PACS1: variants seen among roughly 807,000 people sequenced by gnomAD.
PACS1 encodes phosphofurin acidic cluster sorting protein 1.
Under a neutral mutation model 115.0 loss-of-function variants are expected in PACS1, and 24 were observed. That is an observed-to-expected ratio of 0.21 (90% CI 0.15 to 0.29). The LOEUF (loss-of-function observed/expected upper bound fraction) is 0.29. Among genes scored for constraint, PACS1 ranks in the 10% least tolerant of loss-of-function variants. The pLI, the probability that PACS1 is intolerant of heterozygous loss-of-function variation, is 1.00. For synonymous variants in PACS1, 453 were observed against 504.5 expected (o/e 0.90, Z 1.37); for missense variants, 838 against 1,251.2 (o/e 0.67, Z 4.98).
intron 11 of PACS1, chr11:66,230,273 T>G (rs1455630649): frequency 2.2e-6 from 1 of 456,202 alleles, no homozygotes; most frequent in African/African-American, 2.0e-5. Flanking sequence ...AGACAGCAGA[T>G]CATCAGTCCA....
intron 2 of PACS1, among the ~76,000 whole-genome samples, chr11:66,204,678 T>C (rs529721994): frequency 6.6e-6 from 1 of 152,250 alleles, no homozygotes; most frequent in African/African-American, 2.4e-5. Flanking sequence ...GAGGACATTA[T>C]GTTAAATGAA....
chr11:66,087,798 C>T (rs1857598350), intron 1 of PACS1, among the ~76,000 whole-genome samples: 1 of 152,100 alleles, frequency 6.6e-6, no homozygotes, highest in African/African-American at 2.4e-5. Flanking sequence ...CAGTATATAC[C>T]TGGGAGTCAG....
At chr11:66,128,203 CTGAT>C (rs777232951) in intron 1 of PACS1, among the ~76,000 whole-genome samples, 1 of 152,004 alleles carries the variant, frequency 6.6e-6, no homozygotes, top group Non-Finnish European at 1.5e-5. Context: ...TGGACACTGA[CTGAT>C]TATTTGATGG....
intron 1 of PACS1, among the ~76,000 whole-genome samples, chr11:66,168,216 A>C (rs1859651739): frequency 6.7e-6 from 1 of 150,278 alleles, no homozygotes. Flanking sequence ...CCTCCTTATA[A>C]ATTTTAGAAT....
chr11:66,193,694 G>A, intron 2 of PACS1, 121 bp downstream of exon 2: 1 of 634,606 alleles, frequency 1.6e-6, no homozygotes, highest in South Asian at 2.1e-5. Flanking sequence ...GCACAGCAAG[G>A]TGCACAGTGG....
intron 2 of PACS1, among the ~76,000 whole-genome samples, chr11:66,208,417 A>G (rs1290645099): frequency 6.6e-6 from 1 of 152,210 alleles, no homozygotes; most frequent in Non-Finnish European, 1.5e-5. Flanking sequence ...GAGGAGTTCA[A>G]GACCAACCTG....
intron 1 of PACS1, among the ~76,000 whole-genome samples, chr11:66,191,151 C>T (rs1854511112): frequency 6.6e-6 from 1 of 152,194 alleles, no homozygotes; most frequent in South Asian, 2.1e-4. Flanking sequence ...CCTTTTCCTG[C>T]TTCTTGAGGC....
chr11:66,080,946 C>G (rs1451699740), intron 1 of PACS1, among the ~76,000 whole-genome samples: 1 of 152,052 alleles, frequency 6.6e-6, no homozygotes, highest in Non-Finnish European at 1.5e-5. Context: ...ATAATTGTCC[C>G]TGCTGAGTGT....
intron 1 of PACS1, among the ~76,000 whole-genome samples, chr11:66,133,026 G>C (rs1858738017): frequency 6.6e-6 from 1 of 152,162 alleles, no homozygotes; most frequent in South Asian, 2.1e-4. Flanking sequence ...AGGGCCGACT[G>C]TAAATGGTGC....
intron 1 of PACS1, among the ~76,000 whole-genome samples, chr11:66,106,751 C>G (rs1001483190): frequency 6.6e-6 from 1 of 151,538 alleles, no homozygotes; most frequent in African/African-American, 2.4e-5. Flanking sequence ...CAAAGCGAGA[C>G]CCTGTCTCAG....
At chr11:66,151,686 A>T (rs1395023403) in intron 1 of PACS1, among the ~76,000 whole-genome samples, 1 of 152,238 alleles carries the variant, frequency 6.6e-6, no homozygotes. Context: ...CCAAGTTTTC[A>T]ATCTACAATT....
chr11:66,229,643 C>T (rs1326054775), intron 11 of PACS1, among the ~76,000 whole-genome samples: 1 of 151,942 alleles, frequency 6.6e-6, no homozygotes, highest in African/African-American at 2.4e-5. Flanking sequence ...CGCGCCACTG[C>T]ACTCCAGCTT....
intron 1 of PACS1, among the ~76,000 whole-genome samples, chr11:66,111,202 C>A (rs1222503794): frequency 2.0e-5 from 3 of 152,100 alleles, no homozygotes; most frequent in East Asian, 3.8e-4. Context: ...ATTTGTGGAT[C>A]TAAACATAGA....
At chr11:66,196,977 T>C (rs561029144) in intron 2 of PACS1, among the ~76,000 whole-genome samples, 1 of 152,336 alleles carries the variant, frequency 6.6e-6, no homozygotes, top group South Asian at 2.1e-4. Flanking sequence ...TTCCCAGTTC[T>C]TAAAGACTTT....
chr11:66,113,994 A>G lies in PACS1; in HGVS notation c.356+43152A>G, dbSNP rs375642574. 2.0e-5 allele frequency among the ~76,000 whole-genome samples: 3 copies of G among 152,312 alleles called. No homozygotes were observed. The East Asian group carries it at 5.8e-4, about 29-fold the overall frequency. On this transcript the variant is annotated intron_variant, in intron 1 of 23. Transcript: ENST00000320580. ...CACCTCCCCAGACAAAAATACGATT[A>G]AGAGTTCGGCAGACATTCTTCCAGA... is the stretch of plus-strand genomic sequence containing the variant.
chr11:66,165,081 C>A (rs1174016571), intron 1 of PACS1, among the ~76,000 whole-genome samples: 1 of 152,170 alleles, frequency 6.6e-6, no homozygotes, highest in African/African-American at 2.4e-5. Flanking sequence ...GATTGTCTTC[C>A]TAAGAAGGAA....
intron 7 of PACS1, chr11:66,217,991 C>G (rs1227922370): frequency 5.6e-6 from 1 of 179,366 alleles, no homozygotes; most frequent in Non-Finnish European, 1.2e-5. Context: ...TGTATACTCC[C>G]CCAGAGGTGT....
intron 1 of PACS1, among the ~76,000 whole-genome samples, chr11:66,141,296 CT>C (rs1244321206): frequency 6.6e-6 from 1 of 151,796 alleles, no homozygotes; most frequent in African/African-American, 2.4e-5. Flanking sequence ...TGCATTTTTC[CT>C]TTTTTTTCCC....
At chr11:66,183,145 A>G (rs1245271708) in intron 1 of PACS1, among the ~76,000 whole-genome samples, 1 of 152,098 alleles carries the variant, frequency 6.6e-6, no homozygotes, top group East Asian at 1.9e-4. Flanking sequence ...TAAATAGATA[A>G]ATAAATAAAT....
Sources: gnomAD v4.1 joint callset for allele counts (sites outside exome capture counted in the v4.1 genomes callset) on GRCh38, gnomAD v4.1.1 for gene constraint, MANE v1.5 for transcripts, NCBI Gene and HGNC (gene_info 2026-07-23, HGNC 2026-07-21) for gene names.